The following CCDC57 variants were observed in gnomAD, a reference collection of about 807,000 sequenced individuals.
CCDC57 encodes coiled-coil domain containing 57.
CCDC57 carries 118 observed loss-of-function variants against 118.9 expected under a neutral mutation model. The ratio of observed to expected loss-of-function variants is 0.99; its 90% CI spans 0.86 to 1.16. The LOEUF (loss-of-function observed/expected upper bound fraction) is 1.16. CCDC57 is among the 50% of genes most tolerant of loss of function. The probability of loss-of-function intolerance (pLI) is 0.00; values close to 1 mark genes in which losing one functional copy is unlikely to be tolerated. For missense variants in CCDC57, 1,300 were observed against 1,320.7 expected (o/e 0.98, Z 0.24); for synonymous variants, 527 against 532.9 (o/e 0.99, Z 0.15).
chr17:82,183,685 C>CA (rs2046479597), intron 9 of CCDC57, 89 bp downstream of exon 8: 1 of 1,252,932 alleles, frequency 8.0e-7, no homozygotes, highest in Non-Finnish European at 1.1e-6. Flanking sequence ...GCCAGGGACT[C>CA]AATCTGTTCA....
chr17:82,127,879 A>G lies in CCDC57; in HGVS notation c.2712T>C (p.Cys904=), dbSNP rs1219088316. Residue 904 remains cysteine, a synonymous_variant, in exon 19 of 20, where the codon TGT becomes TGC. Transcript: ENST00000665763. ...TGTCTTCTTTCTGCCGAGGTGATTT[A>G]CAGGTCACCGTGTGGATGCTGTGTT... is the stretch of plus-strand genomic sequence containing the variant. 6 of 1,611,938 alleles carry G rather than the reference A, an allele frequency of 3.7e-6. No homozygotes were observed. The South Asian group carries it at 6.6e-5, about 18-fold the overall frequency.
At chr17:82,133,380 C>CA (rs1430215298) in intron 17 of CCDC57, among the ~76,000 whole-genome samples, 23 of 22,582 alleles carry the variant, frequency 1.0e-3, no homozygotes, top group East Asian at 2.7e-3. Context: ...TCTCAAAGGA[C>CA]AAAAAAAAAA....
At chr17:82,139,847 T>C (rs2039781458) in intron 16 of CCDC57, among the ~76,000 whole-genome samples, 1 of 152,214 alleles carries the variant, frequency 6.6e-6, no homozygotes, top group African/African-American at 2.4e-5. Context: ...GCAGATGGAT[T>C]GTTGAGACCA....
chr17:82,201,957 A>C lies in CCDC57; in HGVS notation c.-8-5T>G. On this transcript the variant is annotated splice_polypyrimidine_tract_variant and splice_region_variant and intron_variant, in intron 2 of 19. Coordinates refer to ENST00000665763, the Ensembl canonical transcript of CCDC57. ...CCAGTGGCAGCATGGTGGCCGCTGC[A>C]GTAAAGAGAAATCAGGTTCAGGGTG... is the stretch of plus-strand genomic sequence containing the variant. 1 of 1,578,170 alleles carries C rather than the reference A, an allele frequency of 6.3e-7. No individual in the cohort carries two copies. The highest frequency in any genetic ancestry group is 8.6e-7 in the Non-Finnish European group (1 of 1,160,900).
intron 2 of CCDC57, among the ~76,000 whole-genome samples, chr17:82,204,643 C>T (rs1452677302): frequency 2.0e-5 from 3 of 152,076 alleles, no homozygotes; most frequent in South Asian, 2.1e-4. Flanking sequence ...ATTAGCTGGG[C>T]GTGGTGGTGG....
At position 82,163,182 on chromosome 17, in the gene CCDC57, C is replaced by CA. The variant is rs890812153; in HGVS notation, c.2040+17dup. 6.2e-7 allele frequency: 1 copy of CA among 1,611,380 alleles called. No individual in the cohort carries two copies. Among genetic ancestry groups the CA allele is most frequent in the Non-Finnish European group, 8.5e-7 (1 of 1,178,002 alleles). On this transcript the variant is annotated intron_variant, in intron 14 of 19. Transcript: ENST00000665763. ...GCGGCTCTCTAGGAGGATGACCCCA[C>CA]AAACTTGACTGCCTCACCTTCTGTC...
intron 19 of CCDC57, chr17:82,107,639 G>A (rs1030379944): frequency 4.3e-6 from 2 of 468,408 alleles, no homozygotes; most frequent in Admixed American, 2.3e-5. Flanking sequence ...GACAGGAGAA[G>A]GAGGGCAGCC....
At chr17:82,177,465 A>T (rs993565958) in intron 11 of CCDC57, among the ~76,000 whole-genome samples, 1 of 152,142 alleles carries the variant, frequency 6.6e-6, no homozygotes, top group African/African-American at 2.4e-5. Flanking sequence ...GGATTGCTTC[A>T]GCCTAGGGGT....
intron 7 of CCDC57, among the ~76,000 whole-genome samples, chr17:82,191,047 C>G (rs2047616089): frequency 6.6e-6 from 1 of 151,800 alleles, no homozygotes; most frequent in East Asian, 1.9e-4. Flanking sequence ...TCGTGCCTGA[C>G]TTCACAGGAT....
intron 19 of CCDC57, among the ~76,000 whole-genome samples, chr17:82,107,817 TCAG>T (rs1302607663): frequency 5.9e-5 from 9 of 152,188 alleles, no homozygotes; most frequent in Non-Finnish European, 1.0e-4. Context: ...CCCTCCTGCC[TCAG>T]CTGCTCTCAG....
At chr17:82,128,514 A>G in exon 18 of CCDC57, 1 of 1,565,358 alleles carries the variant, frequency 6.4e-7, no homozygotes. Flanking sequence ...GCAGGGCGTC[A>G]AGTCTGCTGC....
At chr17:82,135,947 G>T (rs922646960) in intron 16 of CCDC57, among the ~76,000 whole-genome samples, 9 of 152,030 alleles carry the variant, frequency 5.9e-5, no homozygotes, top group African/African-American at 2.2e-4. Context: ...TTAAAGATAT[G>T]CAATAAAAGT....
At chr17:82,126,711 C>G (rs1186964421) in intron 19 of CCDC57, 1 of 985,328 alleles carries the variant, frequency 1.0e-6, no homozygotes, top group Non-Finnish European at 1.2e-6. Context: ...ACGCGGGCAG[C>G]CTTGACTACG....
At chr17:82,163,057 T>G in intron 14 of CCDC57, 143 bp downstream of exon 13, 1 of 1,032,218 alleles carries the variant, frequency 9.7e-7, no homozygotes, top group South Asian at 1.5e-5. Context: ...CCACAGCCCC[T>G]TCCTCAGAAA....
chr17:82,193,104 G>T (rs1206793943), intron 7 of CCDC57, among the ~76,000 whole-genome samples: 1 of 152,058 alleles, frequency 6.6e-6, no homozygotes, highest in East Asian at 1.9e-4. Flanking sequence ...TATGGCCCAG[G>T]CTGGAGTACA....
rs1401358471 is a variant in CCDC57, at chr17:82,184,029, GCGCA to G, written c.1053-101_1053-98del. 1,254 of 238,726 alleles carry G rather than the reference GCGCA, an allele frequency of 5.3e-3. 5 individuals carry two copies. The highest frequency in any genetic ancestry group is 0.01 in the Middle Eastern group (14 of 1,374). 14.8% of individuals were successfully genotyped at this position (238,726 alleles called of 1,614,324 possible). A position where few individuals can be genotyped will look rare whatever the true frequency, so the allele number is the denominator to read the frequency against. On this transcript the variant is annotated intron_variant, in intron 8 of 19. Transcript: ENST00000665763. ...AGCAAATACACATGCGCGCGCGCGCGCGCACACACACACACACACACACACACAC... is the reference window on the plus strand; with the variant it reads ...AGCAAATACACATGCGCGCGCGCGCGCACACACACACACACACACACACAC...
At chr17:82,141,324 C>T (rs1370253125) in intron 16 of CCDC57, among the ~76,000 whole-genome samples, 1 of 152,156 alleles carries the variant, frequency 6.6e-6, no homozygotes, top group South Asian at 2.1e-4. Context: ...GCTGGGACTA[C>T]AGGCACCTGC....
At chr17:82,178,428 C>A in intron 11 of CCDC57, 46 bp downstream of exon 10, 1 of 1,544,466 alleles carries the variant, frequency 6.5e-7, no homozygotes, top group Non-Finnish European at 8.7e-7. Flanking sequence ...ATTTTCCCAC[C>A]GCTGCTGTTG....
At chr17:82,162,894 C>T (rs914635132) in intron 14 of CCDC57, among the ~76,000 whole-genome samples, 8 of 151,632 alleles carry the variant, frequency 5.3e-5, no homozygotes, top group East Asian at 2.0e-4. Context: ...CCCGCACACA[C>T]GCCCCACTGA....
Sources: gnomAD v4.1 joint callset for allele counts (sites outside exome capture counted in the v4.1 genomes callset) on GRCh38, gnomAD v4.1.1 for gene constraint, MANE v1.5 for transcripts, NCBI Gene and HGNC (gene_info 2026-07-23, HGNC 2026-07-21) for gene names.